Variants in CNTN3 observed in about 807,000 individuals in gnomAD.
The protein encoded by CNTN3 is contactin 3.
CNTN3 carries 60 observed loss-of-function variants against 119.1 expected under a neutral mutation model. The observed-to-expected ratio is 0.50, with a 90% CI of 0.41 to 0.62. The LOEUF is 0.62. CNTN3 is among the 20% of genes least tolerant of loss of function. The pLI, the probability that CNTN3 is intolerant of heterozygous loss-of-function variation, is 0.00. For synonymous variants in CNTN3, 450 were observed against 438.7 expected, an observed-to-expected ratio of 1.03 and a Z score of -0.32; for missense variants, 1,101 against 1,242.4, an observed-to-expected ratio of 0.89 and a Z score of 1.71.
intron 19 of CNTN3, among the ~76,000 whole-genome samples, chr3:74,287,709 T>C (rs957112861): frequency 4.6e-5 from 7 of 152,292 alleles, no homozygotes; most frequent in Admixed American, 3.9e-4. Flanking sequence ...GCCCTGTGGC[T>C]TCTCGCTGGG....
chr3:74,528,348 T>G (rs1703648508), intron 1 of CNTN3, among the ~76,000 whole-genome samples: 1 of 151,870 alleles, frequency 6.6e-6, no homozygotes, highest in Non-Finnish European at 1.5e-5. Context: ...AAAGACAATT[T>G]TGCAATACCA....
At chr3:74,267,853 G>T (rs947771672) in intron 20 of CNTN3, among the ~76,000 whole-genome samples, 1 of 152,046 alleles carries the variant, frequency 6.6e-6, no homozygotes, top group African/African-American at 2.4e-5. Flanking sequence ...GCATACAGAG[G>T]CTGGAAGAAA....
chr3:74,610,314 C>A (rs1705059243), intron 1 of CNTN3, among the ~76,000 whole-genome samples: 1 of 145,174 alleles, frequency 6.9e-6, no homozygotes, highest in Non-Finnish European at 1.5e-5. Flanking sequence ...CAGAGTGAGA[C>A]CCTGTCGAAA....
intron 4 of CNTN3, among the ~76,000 whole-genome samples, chr3:74,438,695 G>C (rs904155725): frequency 6.6e-6 from 1 of 152,096 alleles, no homozygotes; most frequent in Non-Finnish European, 1.5e-5. Flanking sequence ...AATTCAACAC[G>C]AGAGTCTTAA....
intron 4 of CNTN3, among the ~76,000 whole-genome samples, chr3:74,460,772 CATATAT>C (rs71129755): frequency 0.021 from 1,820 of 88,270 alleles, 27 homozygotes; most frequent in Middle Eastern, 0.049. Flanking sequence ...TTCTTATTTT[CATATAT>C]ATATATATAT....
At chr3:74,339,133 G>T (rs1221178857) in intron 11 of CNTN3, among the ~76,000 whole-genome samples, 1 of 152,032 alleles carries the variant, frequency 6.6e-6, no homozygotes, top group Admixed American at 6.6e-5. Flanking sequence ...TATGGAGACT[G>T]GAAGTTTTAA....
intron 5 of CNTN3, among the ~76,000 whole-genome samples, chr3:74,391,620 G>A (rs1704905296): frequency 1.5e-5 from 2 of 133,790 alleles, no homozygotes; most frequent in South Asian, 2.4e-4. Flanking sequence ...AGGCTGGAGT[G>A]CAGCTGCATG....
chr3:74,601,722 T>G (rs79366221), intron 1 of CNTN3, among the ~76,000 whole-genome samples: 6,142 of 152,170 alleles, frequency 0.04, 190 homozygotes, highest in East Asian at 0.14. Context: ...CAGAGGATAA[T>G]TCCCCACCCT....
chr3:74,460,232 C>T (rs1297636550), intron 4 of CNTN3, among the ~76,000 whole-genome samples: 1 of 151,952 alleles, frequency 6.6e-6, no homozygotes, highest in Admixed American at 6.6e-5. Flanking sequence ...GACTGCTTTA[C>T]CTTACAGTCT....
chr3:74,332,708 C>A (rs1371443687), intron 13 of CNTN3, among the ~76,000 whole-genome samples: 1 of 152,158 alleles, frequency 6.6e-6, no homozygotes, highest in African/African-American at 2.4e-5. Context: ...ACAGAGGAAC[C>A]GTATTGGATA....
intron 18 of CNTN3, among the ~76,000 whole-genome samples, chr3:74,295,808 A>G (rs1381649609): frequency 2.6e-5 from 4 of 152,122 alleles, no homozygotes; most frequent in Non-Finnish European, 5.9e-5. Flanking sequence ...TTGAGATTCT[A>G]TGGGGTTCAC....
intron 5 of CNTN3, among the ~76,000 whole-genome samples, chr3:74,381,063 TTC>T (rs934368808): frequency 1.3e-3 from 190 of 146,300 alleles, no homozygotes; most frequent in Non-Finnish European, 1.3e-3. Flanking sequence ...GTTTTTTTTT[TTC>T]TCTCTCTCTC....
chr3:74,396,746 G>GAA (rs61397069), intron 5 of CNTN3, among the ~76,000 whole-genome samples: 4,542 of 98,710 alleles, frequency 0.046, 210 homozygotes, highest in Non-Finnish European at 0.058. Context: ...TTCCGCCTCA[G>GAA]AAAAAAAAAA....
At chr3:74,436,392 G>A (rs1003299195) in intron 4 of CNTN3, among the ~76,000 whole-genome samples, 1 of 152,048 alleles carries the variant, frequency 6.6e-6, no homozygotes, top group African/African-American at 2.4e-5. Flanking sequence ...CACCTACCCA[G>A]TACAGATGGC....
chr3:74,463,761 C>T (rs536997361), intron 4 of CNTN3, among the ~76,000 whole-genome samples: 123 of 152,208 alleles, frequency 8.1e-4, no homozygotes, highest in South Asian at 2.5e-3. Flanking sequence ...ATGTCTTATT[C>T]AAACCCTTCA....
chr3:74,538,872 T>C (rs1387289642), intron 1 of CNTN3, among the ~76,000 whole-genome samples: 2 of 152,086 alleles, frequency 1.3e-5, no homozygotes, highest in African/African-American at 4.8e-5. Flanking sequence ...TCCAGGTTGA[T>C]ATTTAGCCCA....
At chr3:74,282,393 C>G (rs1260966567) in intron 20 of CNTN3, among the ~76,000 whole-genome samples, 1 of 152,136 alleles carries the variant, frequency 6.6e-6, no homozygotes, top group Non-Finnish European at 1.5e-5. Context: ...TTTGAATTTG[C>G]AATGTGCAGT....
At chr3:74,335,914 A>C (rs1052691854) in intron 12 of CNTN3, among the ~76,000 whole-genome samples, 2 of 151,992 alleles carry the variant, frequency 1.3e-5, no homozygotes, top group Admixed American at 1.3e-4. Context: ...GCTCTAACTT[A>C]CCTCTGCCAC....
intron 12 of CNTN3, among the ~76,000 whole-genome samples, chr3:74,335,245 G>C (rs927046623): frequency 6.6e-5 from 10 of 151,620 alleles, no homozygotes; most frequent in Non-Finnish European, 1.3e-4. Context: ...AAATGTAGGG[G>C]TAGAAATAGA....
Sources: allele counts gnomAD v4.1 joint callset (sites outside exome capture counted in the v4.1 genomes callset), GRCh38; gene constraint gnomAD v4.1.1; transcripts MANE v1.5; gene names NCBI Gene and HGNC (gene_info 2026-07-23, HGNC 2026-07-21).